The following ALKBH8 variants were observed in gnomAD, a reference collection of about 807,000 sequenced individuals.
ALKBH8 encodes the protein alkB homolog 8, tRNA methyltransferase.
A neutral mutation model predicts 59.8 loss-of-function variants in ALKBH8; 36 were observed. The observed-to-expected ratio is 0.60, with a 90% CI of 0.46 to 0.79. The LOEUF is 0.79. Ranked by LOEUF, ALKBH8 falls within the 30% of genes least tolerant of loss-of-function variation. The pLI is 0.00. For synonymous variants in ALKBH8, 276 were observed against 273.6 expected (o/e 1.01, Z -0.09); for missense variants, 768 against 801.0 (o/e 0.96, Z 0.50).
At chr11:107,521,749 C>T (rs997624383) in intron 10 of ALKBH8, among the ~76,000 whole-genome samples, 2 of 152,106 alleles carry the variant, frequency 1.3e-5, no homozygotes, top group East Asian at 3.8e-4. Context: ...GCACTGTAAC[C>T]TTGGTCAAGT....
chr11:107,532,156 A>C, intron 8 of ALKBH8, 144 bp downstream of exon 8: 1 of 570,156 alleles, frequency 1.8e-6, no homozygotes, highest in South Asian at 3.6e-5. Context: ...ATGTTTAACA[A>C]AAACGAAACT....
At chr11:107,510,324 T>C (rs998498953) in intron 11 of ALKBH8, among the ~76,000 whole-genome samples, 2 of 151,894 alleles carry the variant, frequency 1.3e-5, no homozygotes, top group Admixed American at 6.6e-5. Context: ...ATATTAAATA[T>C]TAAATTCATT....
rs1864507232 is a variant in ALKBH8, at chr11:107,551,737, C to A, written c.700+71G>T. 11 of 580,610 alleles carry A rather than the reference C, an allele frequency of 1.9e-5. No individual in the cohort carries two copies. The East Asian group carries it at 3.8e-4, about 20-fold the overall frequency. The allele number at this position is 580,610 out of a possible 1,614,324, so 36.0% of individuals were successfully genotyped here. On this transcript the variant is annotated intron_variant, in intron 6 of 11. Coordinates refer to ENST00000428149, the MANE Select transcript of ALKBH8 (RefSeq NM_138775.3). Reference sequence around the variant, plus strand: ...AATAATAATAATAATAATATATCTGCCCTTAGAGAATTATATCATCTACTC... The same window carrying A: ...AATAATAATAATAATAATATATCTGACCTTAGAGAATTATATCATCTACTC...
intron 7 of ALKBH8, among the ~76,000 whole-genome samples, chr11:107,548,457 G>A: frequency 6.6e-6 from 1 of 152,346 alleles, no homozygotes; most frequent in South Asian, 2.1e-4. Flanking sequence ...GGAGGAAAAT[G>A]AGAAGATGTC....
intron 1 of ALKBH8, chr11:107,562,733 TGGC>T (rs1439638085): frequency 6.6e-6 from 1 of 152,134 alleles, no homozygotes; most frequent in East Asian, 1.9e-4. Context: ...GCAGGCTGGC[TGGC>T]AGCATAGCAG....
At chr11:107,526,834 T>C (rs1256439456) in intron 8 of ALKBH8, among the ~76,000 whole-genome samples, 2 of 152,004 alleles carry the variant, frequency 1.3e-5, no homozygotes, top group Non-Finnish European at 2.9e-5. Context: ...AAAAATTTCC[T>C]TTCCACATTT....
intron 1 of ALKBH8, among the ~76,000 whole-genome samples, chr11:107,563,296 TA>T (rs1487798416): frequency 6.6e-6 from 1 of 152,202 alleles, no homozygotes; most frequent in African/African-American, 2.4e-5. Context: ...AAGGCGGGAT[TA>T]AATCACACTT....
At chr11:107,525,680 T>A (rs781531949) in intron 8 of ALKBH8, 88 bp from the exon 9 acceptor site, 2 of 915,022 alleles carry the variant, frequency 2.2e-6, no homozygotes, top group Non-Finnish European at 3.0e-6. Flanking sequence ...ATAGAGAAAA[T>A]CTAGAAGAAT....
intron 9 of ALKBH8, among the ~76,000 whole-genome samples, chr11:107,523,721 G>A (rs1303094897): frequency 1.3e-5 from 2 of 150,502 alleles, no homozygotes; most frequent in African/African-American, 4.9e-5. Context: ...TCCTGCCTCA[G>A]CCTCCCGAGT....
intron 9 of ALKBH8, among the ~76,000 whole-genome samples, chr11:107,524,806 C>T (rs945425840): frequency 6.6e-6 from 1 of 151,902 alleles, no homozygotes; most frequent in Non-Finnish European, 1.5e-5. Context: ...TTAAAACCCC[C>T]AAGATATAAA....
At chr11:107,537,760 G>A (rs924582760) in intron 7 of ALKBH8, among the ~76,000 whole-genome samples, 2 of 151,642 alleles carry the variant, frequency 1.3e-5, no homozygotes, top group African/African-American at 2.4e-5. Context: ...TGAGTTACAT[G>A]TTCTTACATT....
intron 7 of ALKBH8, among the ~76,000 whole-genome samples, chr11:107,546,323 T>C (rs942928373): frequency 2.2e-4 from 33 of 152,314 alleles, no homozygotes; most frequent in African/African-American, 7.7e-4. Context: ...TTTATTATCA[T>C]AAAAGGTTAT....
At position 107,532,313 on chromosome 11, in the gene ALKBH8, G is replaced by C. The variant is rs555062211; in HGVS notation, c.865C>G (p.Leu289Val). The C allele has an allele frequency of 1.6e-5, 26 of 1,612,964 alleles. No homozygotes were observed. The highest frequency in any genetic ancestry group is 2.1e-5 in the Non-Finnish European group (25 of 1,179,348). Residue 289 changes from leucine to valine, a missense_variant, in exon 8 of 12, where the codon CTT becomes GTT. Transcript: ENST00000428149. ...LLVMTGESRY[L>V]WTHGITCRKF... ...TTCAATACATACCCATGGGTCCAAA[G>C]GTATCTAGATTCTCCTGTCATCACC...
intron 2 of ALKBH8, among the ~76,000 whole-genome samples, chr11:107,558,610 G>C (rs1864808246): frequency 6.6e-6 from 1 of 151,968 alleles, no homozygotes; most frequent in Admixed American, 6.6e-5. Context: ...GTGTTTTGTG[G>C]GCAACTCTAA....
chr11:107,519,585 C>T (rs186038424), intron 10 of ALKBH8, among the ~76,000 whole-genome samples: 2 of 152,114 alleles, frequency 1.3e-5, no homozygotes, highest in East Asian at 1.9e-4. Flanking sequence ...GCTTGGGACC[C>T]GAAGTATTTT....
Position 107,556,843 on chromosome 11 carries a change from T to C in ALKBH8, c.290A>G (p.Tyr97Cys), listed in dbSNP as rs1315705255. The C allele has an allele frequency of 4.4e-6, 7 of 1,582,282 alleles. No individual in the cohort carries two copies. Among genetic ancestry groups the C allele is most frequent in the Non-Finnish European group, 6.0e-6 (7 of 1,165,068 alleles). The change falls in exon 3 of 12, where the codon TAT (tyrosine) becomes TGT (cysteine). Residue 97 changes from tyrosine to cysteine, a missense_variant. Physicochemically the swap from Tyr to Cys is radical, Grantham distance 194. Coordinates refer to ENST00000428149, the MANE Select transcript of ALKBH8 (RefSeq NM_138775.3). ...TACTTCTTTTCCATTGAGGGTAACA[T>C]AGGCTCTCTTAGATTCTTCTGTAGT... ...YRTTEESKRAYVTLNGKEVVD... is the reference protein window; with the variant it reads ...YRTTEESKRACVTLNGKEVVD...
chr11:107,544,005 T>C (rs1201980975), intron 7 of ALKBH8, among the ~76,000 whole-genome samples: 1 of 152,220 alleles, frequency 6.6e-6, no homozygotes, highest in Non-Finnish European at 1.5e-5. Flanking sequence ...CTGCAGTATG[T>C]ACATATCTTT....
At chr11:107,544,511 A>T (rs1478022743) in intron 7 of ALKBH8, among the ~76,000 whole-genome samples, 2 of 152,200 alleles carry the variant, frequency 1.3e-5, no homozygotes, top group Non-Finnish European at 2.9e-5. Context: ...TTCAGAACTT[A>T]AGTTACTAAG....
Position 107,525,523 on chromosome 11 carries a change from A to G in ALKBH8, c.948T>C (p.Asp316=), listed in dbSNP as rs1863314618. Residue 316 remains aspartate, a synonymous_variant, in exon 9 of 12, where the codon GAT becomes GAC. Coordinates refer to ENST00000428149, the MANE Select transcript of ALKBH8 (RefSeq NM_138775.3). ...ESLKSGIITS[D]VGDLTLSKRG... ...TCTTGCTTAAAGTTAAGTCTCCAAC[A>G]TCACTGGTGATAATTCCACTTTTAA... The G allele has an allele frequency of 6.5e-7, 1 of 1,536,878 alleles. No individual in the cohort carries two copies. The highest frequency in any genetic ancestry group is 8.8e-7 in the Non-Finnish European group (1 of 1,141,116).
Sources: allele counts gnomAD v4.1 joint callset (sites outside exome capture counted in the v4.1 genomes callset), GRCh38; gene constraint gnomAD v4.1.1; transcripts MANE v1.5; gene names NCBI Gene and HGNC (gene_info 2026-07-23, HGNC 2026-07-21).